The following ERC2 variants were observed in gnomAD, a reference collection of about 807,000 sequenced individuals.
ERC2 encodes the protein ELKS/RAB6-interacting/CAST family member 2.
In ERC2, 42 loss-of-function variants were observed where a neutral mutation model predicts 114.8. The ratio of observed to expected loss-of-function variants is 0.37; its 90% confidence interval spans 0.29 to 0.47. The LOEUF is 0.47. Ranked by LOEUF, ERC2 falls within the 20% of genes least tolerant of loss-of-function variation. The pLI is 0.99. For synonymous variants in ERC2, 454 were observed against 425.5 expected, an observed-to-expected ratio of 1.07 and a Z score of -0.82; for missense variants, 939 against 1,150.7, an observed-to-expected ratio of 0.82 and a Z score of 2.66.
intron 3 of ERC2, among the ~76,000 whole-genome samples, chr3:56,259,971 C>T (rs894921831): frequency 1.3e-5 from 2 of 152,182 alleles, no homozygotes; most frequent in South Asian, 2.1e-4. Flanking sequence ...CCACCACCAG[C>T]GCTTCCTCAG....
At position 56,224,535 on chromosome 3, in the gene ERC2, T is replaced by C. The variant is rs999921450; in HGVS notation, c.1075-51015A>G. Among the ~76,000 whole-genome samples the C allele has an allele frequency of 3.3e-5, 5 of 152,090 alleles. No homozygotes were observed. In the South Asian group the frequency reaches 1.0e-3, roughly 32 times the overall value. Reference sequence around the variant, plus strand: ...TTATTGTAAGGGAACAGTGCCACAGTCTATGCATCCTTTGTCATGGCATAT... The same window carrying C: ...TTATTGTAAGGGAACAGTGCCACAGCCTATGCATCCTTTGTCATGGCATAT... On this transcript the variant is annotated intron_variant, in intron 3 of 17. Transcript: ENST00000288221.
At chr3:56,280,421 A>G (rs1336094124) in intron 3 of ERC2, among the ~76,000 whole-genome samples, 2 of 152,198 alleles carry the variant, frequency 1.3e-5, no homozygotes, top group African/African-American at 4.8e-5. Context: ...GTGATGGAGA[A>G]AGAGAAATTG....
At chr3:56,353,141 T>C (rs2150531761) in intron 2 of ERC2, among the ~76,000 whole-genome samples, 1 of 152,074 alleles carries the variant, frequency 6.6e-6, no homozygotes, top group East Asian at 1.9e-4. Flanking sequence ...TCCATTTTCA[T>C]TTAGTCTCCA....
chr3:56,084,420 G>A (rs1235045160), intron 6 of ERC2, among the ~76,000 whole-genome samples: 1 of 152,126 alleles, frequency 6.6e-6, no homozygotes, highest in Non-Finnish European at 1.5e-5. Context: ...GTTTATCACA[G>A]CACAATTCAC....
intron 6 of ERC2, among the ~76,000 whole-genome samples, chr3:56,091,972 A>C (rs543429396): frequency 7.2e-5 from 11 of 151,998 alleles, no homozygotes; most frequent in African/African-American, 2.7e-4. Flanking sequence ...GAGAAAAAAA[A>C]CCTATATTAT....
chr3:55,855,980 T>C (rs937683651), intron 14 of ERC2, among the ~76,000 whole-genome samples: 1 of 152,218 alleles, frequency 6.6e-6, no homozygotes, highest in Non-Finnish European at 1.5e-5. Flanking sequence ...TTTCCTCTCT[T>C]GCCCCTGTCT....
At position 56,138,051 on chromosome 3, in the gene ERC2, CTTTTTTTTTTTTTTT is replaced by C. The variant is rs920983143; in HGVS notation, c.1473+1443_1473+1457del. On this transcript the variant is annotated intron_variant, in intron 6 of 17. Coordinates refer to ENST00000288221, the MANE Select transcript of ERC2 (RefSeq NM_015576.3). The stretch of plus-strand genomic sequence containing the variant: ...CTATACACAACTGAAAATGGTATTT[CTTTTTTTTTTTTTTT>C]TTTTTTTTTTTGAGACGAAGTCTCA... Among the ~76,000 whole-genome samples, 23 of 92,672 alleles carry C rather than the reference CTTTTTTTTTTTTTTT, an allele frequency of 2.5e-4. No individual in the cohort carries two copies. The South Asian group carries it at 6.9e-3, about 28-fold the overall frequency. The allele number at this position is 92,672 out of a possible 152,430, so 60.8% of individuals were successfully genotyped here. A position where few individuals can be genotyped will look rare whatever the true frequency, so the allele number is the denominator to read the frequency against.
At chr3:55,738,329 T>G (rs1288900474) in intron 14 of ERC2, among the ~76,000 whole-genome samples, 1 of 152,108 alleles carries the variant, frequency 6.6e-6, no homozygotes, top group Non-Finnish European at 1.5e-5. Flanking sequence ...CATTTCAAGG[T>G]GACAGGATGA....
rs2052624621 is a variant in ERC2, at chr3:55,517,698, G to A, written c.*40-6422C>T. Among the ~76,000 whole-genome samples, 6 of 152,280 alleles carry A rather than the reference G, an allele frequency of 3.9e-5. No individual in the cohort carries two copies. In the South Asian group the frequency reaches 1.0e-3, roughly 26 times the overall value. On this transcript the variant is annotated intron_variant, in intron 17 of 17. Transcript: ENST00000288221. ...AGCCATGGCCTTCTCCCCACTGGCAGAACCAGGCACGAGTCGGCTGGTCTT... is the reference window on the plus strand; with the variant it reads ...AGCCATGGCCTTCTCCCCACTGGCAAAACCAGGCACGAGTCGGCTGGTCTT...
At chr3:55,546,160 G>A (rs964809149) in intron 17 of ERC2, among the ~76,000 whole-genome samples, 7 of 152,070 alleles carry the variant, frequency 4.6e-5, no homozygotes, top group African/African-American at 7.2e-5. Context: ...GAAGAATAAC[G>A]GCGACAGCAG....
intron 13 of ERC2, among the ~76,000 whole-genome samples, chr3:55,905,992 A>G (rs942572419): frequency 6.6e-6 from 1 of 152,130 alleles, no homozygotes; most frequent in East Asian, 1.9e-4. Context: ...ACTTTACTTA[A>G]GAATTTCCTT....
intron 12 of ERC2, among the ~76,000 whole-genome samples, chr3:55,977,786 C>G (rs972350060): frequency 6.6e-6 from 1 of 152,158 alleles, no homozygotes; most frequent in Non-Finnish European, 1.5e-5. Flanking sequence ...TTAATTATAG[C>G]AGACTGCATG....
At chr3:55,642,071 T>C (rs919381961) in intron 17 of ERC2, among the ~76,000 whole-genome samples, 2 of 152,192 alleles carry the variant, frequency 1.3e-5, no homozygotes, top group Admixed American at 6.5e-5. Context: ...TGCACTAACA[T>C]AGTACTGGCC....
intron 17 of ERC2, among the ~76,000 whole-genome samples, chr3:55,580,941 C>T (rs1241634879): frequency 4.6e-5 from 7 of 152,134 alleles, no homozygotes; most frequent in African/African-American, 1.4e-4. Context: ...TCTCATTGAG[C>T]AGATAATACT....
intron 2 of ERC2, among the ~76,000 whole-genome samples, chr3:56,357,912 A>C (rs1576580287): frequency 6.6e-6 from 1 of 151,460 alleles, no homozygotes; most frequent in Non-Finnish European, 1.5e-5. Context: ...ATTCTGAGGC[A>C]CCAACCTGCC....
intron 6 of ERC2, among the ~76,000 whole-genome samples, chr3:56,087,911 C>T (rs1456671492): frequency 6.6e-6 from 1 of 152,108 alleles, no homozygotes; most frequent in Non-Finnish European, 1.5e-5. Flanking sequence ...TCTCCAAAGA[C>T]ACAAACACTA....
chr3:56,138,877 T>C (rs2080681426), intron 6 of ERC2, among the ~76,000 whole-genome samples: 1 of 152,236 alleles, frequency 6.6e-6, no homozygotes. Flanking sequence ...AACATATTTT[T>C]GTTGTTCTTC....
intron 14 of ERC2, among the ~76,000 whole-genome samples, chr3:55,809,290 C>A (rs886896364): frequency 6.6e-6 from 1 of 152,016 alleles, no homozygotes; most frequent in Non-Finnish European, 1.5e-5. Flanking sequence ...GTATCTATCA[C>A]CTGGGAATTT....
intron 1 of ERC2, chr3:56,467,066 A>C (rs2063577401): frequency 6.6e-6 from 1 of 152,188 alleles, no homozygotes; most frequent in Admixed American, 6.5e-5. Context: ...GGTCAAATAT[A>C]CTTGCTTCTA....
Sources: allele counts gnomAD v4.1 joint callset (sites outside exome capture counted in the v4.1 genomes callset), GRCh38; gene constraint gnomAD v4.1.1; transcripts MANE v1.5; gene names NCBI Gene and HGNC (gene_info 2026-07-23, HGNC 2026-07-21).